The following PDGFRL variants were observed in gnomAD, a reference collection of about 807,000 sequenced individuals.
The protein encoded by PDGFRL is platelet derived growth factor receptor like.
PDGFRL carries 46 observed loss-of-function variants against 37.2 expected under a neutral mutation model. That is an observed-to-expected ratio of 1.24 (90% CI 0.98 to 1.58). The LOEUF (loss-of-function observed/expected upper bound fraction) is 1.58, where lower values mean the gene tolerates loss of function less well. PDGFRL is among the 40% of genes most tolerant of loss of function. PDGFRL has a pLI of 0.00. For missense variants in PDGFRL, 692 were observed against 467.6 expected (o/e 1.48, Z -4.43); for synonymous variants, 251 against 184.3 (o/e 1.36, Z -2.93).
At chr8:17,620,633 C>T (rs536647502) in intron 2 of PDGFRL, among the ~76,000 whole-genome samples, 8 of 152,148 alleles carry the variant, frequency 5.3e-5, no homozygotes, top group South Asian at 2.1e-4. Context: ...TGCATTTTCA[C>T]GATTAACATT....
chr8:17,605,343 C>T (rs931090840), intron 2 of PDGFRL, among the ~76,000 whole-genome samples: 1 of 152,092 alleles, frequency 6.6e-6, no homozygotes, highest in Admixed American at 6.5e-5. Context: ...GTTCTTGGAC[C>T]TCATGCTTTT....
intron 1 of PDGFRL, among the ~76,000 whole-genome samples, chr8:17,582,303 G>A (rs1803723510): frequency 6.6e-6 from 1 of 152,048 alleles, no homozygotes. Context: ...TAAAAGCTTA[G>A]GATCAGCCGG....
chr8:17,628,055 G>T (rs576561159), intron 3 of PDGFRL, among the ~76,000 whole-genome samples: 1 of 140,208 alleles, frequency 7.1e-6, no homozygotes, highest in Non-Finnish European at 1.5e-5. Context: ...GTGCAGTGGC[G>T]CTATCTCGGC....
At chr8:17,636,682 T>C (rs1339871397) in intron 5 of PDGFRL, among the ~76,000 whole-genome samples, 3 of 152,172 alleles carry the variant, frequency 2.0e-5, no homozygotes, top group Non-Finnish European at 2.9e-5. Context: ...GGGAATTGCA[T>C]TGAATCTGTG....
At chr8:17,600,342 CCT>C (rs1433988364) in intron 2 of PDGFRL, among the ~76,000 whole-genome samples, 1 of 152,128 alleles carries the variant, frequency 6.6e-6, no homozygotes, top group Non-Finnish European at 1.5e-5. Context: ...CTTCTGGAGT[CCT>C]CTTCACCAGC....
chr8:17,594,441 A>G (rs190154766), intron 2 of PDGFRL, among the ~76,000 whole-genome samples: 4 of 151,840 alleles, frequency 2.6e-5, no homozygotes, highest in African/African-American at 4.8e-5. Flanking sequence ...GGGTTTCACT[A>G]TGATGGCCAG....
At chr8:17,585,446 A>G (rs567016213) in intron 1 of PDGFRL, among the ~76,000 whole-genome samples, 4 of 152,272 alleles carry the variant, frequency 2.6e-5, no homozygotes, top group Admixed American at 6.5e-5. Flanking sequence ...AGGGCTTGCT[A>G]CATCTTGCTA....
intron 3 of PDGFRL, among the ~76,000 whole-genome samples, chr8:17,622,605 T>C (rs1460240956): frequency 2.0e-5 from 3 of 152,242 alleles, no homozygotes; most frequent in African/African-American, 7.2e-5. Flanking sequence ...GCAGACTTTT[T>C]ACTCCTTAGT....
chr8:17,608,379 G>A (rs1409732359), intron 2 of PDGFRL, among the ~76,000 whole-genome samples: 1 of 152,164 alleles, frequency 6.6e-6, no homozygotes, highest in African/African-American at 2.4e-5. Context: ...GGGGTTGGGG[G>A]CCCTGTGAGT....
intron 2 of PDGFRL, 33 bp downstream of exon 2, chr8:17,589,798 G>T: frequency 7.4e-7 from 1 of 1,348,356 alleles, no homozygotes; most frequent in Non-Finnish European, 1.0e-6. Context: ...GTGTAGGGTT[G>T]AGGATTTGTA....
chr8:17,585,710 G>C (rs1454938370), intron 1 of PDGFRL, among the ~76,000 whole-genome samples: 1 of 152,100 alleles, frequency 6.6e-6, no homozygotes, highest in African/African-American at 2.4e-5. Context: ...CTAGCGCTTT[G>C]ATATTAATGA....
chr8:17,590,432 C>G (rs1803912177), intron 2 of PDGFRL, among the ~76,000 whole-genome samples: 1 of 151,732 alleles, frequency 6.6e-6, no homozygotes, highest in Non-Finnish European at 1.5e-5. Flanking sequence ...TATTGTGTGG[C>G]CAGGTGCAGT....
intron 2 of PDGFRL, among the ~76,000 whole-genome samples, chr8:17,606,183 T>TG (rs1183646955): frequency 6.6e-6 from 1 of 151,258 alleles, no homozygotes; most frequent in Non-Finnish European, 1.5e-5. Context: ...AGTAAGGTAT[T>TG]TTTTTTCAAA....
chr8:17,583,804 G>C (rs902459206), intron 1 of PDGFRL, among the ~76,000 whole-genome samples: 4 of 150,672 alleles, frequency 2.7e-5, no homozygotes, highest in Non-Finnish European at 5.9e-5. Context: ...TCTCTCTCTT[G>C]CTTCTTCTCT....
At position 17,628,409 on chromosome 8, in the gene PDGFRL, A is replaced by G. The variant is rs1804780653; in HGVS notation, c.506-78A>G. 1.6e-5 allele frequency: 17 copies of G among 1,090,930 alleles called. 1 individual carries two copies. The South Asian group carries it at 2.3e-4, about 15-fold the overall frequency. The allele number at this position is 1,090,930 out of a possible 1,614,324, so 67.6% of individuals were successfully genotyped here. Reference sequence around the variant, plus strand: ...CTCCTAAGGACTCAGTATTCAGAGTATGCTGCCAAAATCCTTAAGGGTGCT... The same window carrying G: ...CTCCTAAGGACTCAGTATTCAGAGTGTGCTGCCAAAATCCTTAAGGGTGCT... On this transcript the variant is annotated intron_variant, in intron 3 of 5. Coordinates refer to ENST00000251630, the MANE Select transcript of PDGFRL (RefSeq NM_001372073.1).
intron 2 of PDGFRL, among the ~76,000 whole-genome samples, chr8:17,600,971 G>A (rs1804154970): frequency 6.6e-6 from 1 of 152,042 alleles, no homozygotes; most frequent in Admixed American, 6.6e-5. Context: ...GACAGAGCAA[G>A]GCCCATCTCT....
Position 17,612,316 on chromosome 8 carries a change from A to G in PDGFRL, c.354-8735A>G, listed in dbSNP as rs1585318925. On this transcript the variant is annotated intron_variant, in intron 2 of 5. Coordinates refer to ENST00000251630, the MANE Select transcript of PDGFRL (RefSeq NM_001372073.1). ...CAGTTTTACTTGTTTTGCTTTTATTATAGCTTTTCTTTTCTTTTCTCTCTT... is the reference window on the plus strand; with the variant it reads ...CAGTTTTACTTGTTTTGCTTTTATTGTAGCTTTTCTTTTCTTTTCTCTCTT... Among the ~76,000 whole-genome samples, 8 of 152,164 alleles carry G rather than the reference A, an allele frequency of 5.3e-5. No homozygotes were observed. In the South Asian group the frequency reaches 1.7e-3, roughly 32 times the overall value.
intron 2 of PDGFRL, among the ~76,000 whole-genome samples, chr8:17,619,327 AATTAATTACC>A (rs1804587488): frequency 6.6e-6 from 1 of 152,232 alleles, no homozygotes; most frequent in Non-Finnish European, 1.5e-5. Flanking sequence ...AATATAATAG[AATTAATTACC>A]ATTGAAATTG....
chr8:17,592,670 T>C (rs2517148), intron 2 of PDGFRL, among the ~76,000 whole-genome samples: 128,128 of 151,842 alleles, frequency 0.84, 56,435 homozygotes, highest in Non-Finnish European at 0.97. Context: ...GGCCCCTCAG[T>C]ACCGGGCTAA....
Sources: allele counts gnomAD v4.1 joint callset (sites outside exome capture counted in the v4.1 genomes callset), GRCh38; gene constraint gnomAD v4.1.1; transcripts MANE v1.5; gene names NCBI Gene and HGNC (gene_info 2026-07-23, HGNC 2026-07-21).